The following LRP1B variants were observed in gnomAD, a reference collection of about 807,000 sequenced individuals.
LRP1B encodes the protein low-density lipoprotein receptor-related protein 1B.
LRP1B carries 217 observed loss-of-function variants against 556.6 expected under a neutral mutation model. The ratio of observed to expected loss-of-function variants is 0.39; its 90% CI spans 0.35 to 0.44. The LOEUF is 0.44. Ranked by LOEUF, LRP1B falls within the 20% of genes least tolerant of loss-of-function variation. The pLI is 1.00. For synonymous variants in LRP1B, 2,047 were observed against 1,865.8 expected (o/e 1.10, Z -2.50); for missense variants, 5,053 against 5,620.8 (o/e 0.90, Z 3.23).
chr2:140,922,925 C>G (rs765638858), intron 21 of LRP1B, 40 bp downstream of exon 21: 2 of 1,580,472 alleles, frequency 1.3e-6, no homozygotes, highest in Admixed American at 3.5e-5. Context: ...ACTCCACACT[C>G]AGGGAGACCC....
chr2:140,738,206 C>A (rs1280644994), intron 35 of LRP1B, among the ~76,000 whole-genome samples: 1 of 152,100 alleles, frequency 6.6e-6, no homozygotes, highest in Admixed American at 6.6e-5. Context: ...AAAGAGGTGT[C>A]ACCATACTTG....
chr2:142,121,870 G>A (rs1258082735), intron 1 of LRP1B, among the ~76,000 whole-genome samples: 3 of 147,304 alleles, frequency 2.0e-5, no homozygotes, highest in Non-Finnish European at 3.0e-5. Flanking sequence ...AACTATATGA[G>A]TTGCTTCAAG....
chr2:140,810,879 G>A (rs1200499204), intron 32 of LRP1B, among the ~76,000 whole-genome samples: 9 of 151,960 alleles, frequency 5.9e-5, no homozygotes, highest in Admixed American at 5.9e-4. Flanking sequence ...GGGATTACAG[G>A]CACCCGCTAC....
At chr2:141,293,472 T>C (rs767848781) in intron 3 of LRP1B, among the ~76,000 whole-genome samples, 2 of 152,158 alleles carry the variant, frequency 1.3e-5, no homozygotes, top group Non-Finnish European at 2.9e-5. Context: ...GAATCAGACA[T>C]CTTCCATAAA....
intron 2 of LRP1B, among the ~76,000 whole-genome samples, chr2:141,719,672 C>T (rs1381965187): frequency 6.6e-6 from 1 of 151,984 alleles, no homozygotes; most frequent in East Asian, 1.9e-4. Flanking sequence ...TACATATACC[C>T]CATGGAATAC....
intron 7 of LRP1B, among the ~76,000 whole-genome samples, chr2:141,066,277 G>A (rs1699479072): frequency 6.6e-6 from 1 of 151,922 alleles, no homozygotes; most frequent in Non-Finnish European, 1.5e-5. Flanking sequence ...ATGGGAAACT[G>A]TTTTTGTCTG....
intron 7 of LRP1B, among the ~76,000 whole-genome samples, chr2:141,151,501 C>T (rs1701924321): frequency 6.6e-6 from 1 of 152,126 alleles, no homozygotes; most frequent in East Asian, 1.9e-4. Flanking sequence ...ATATAGTAGT[C>T]TATTTAAATG....
At chr2:141,910,274 T>C (rs983656764) in intron 1 of LRP1B, among the ~76,000 whole-genome samples, 2 of 151,978 alleles carry the variant, frequency 1.3e-5, no homozygotes, top group African/African-American at 4.8e-5. Flanking sequence ...AGAAACTATG[T>C]ATTGGTGTAA....
intron 7 of LRP1B, among the ~76,000 whole-genome samples, chr2:141,096,621 G>GAGAGAGAGAGAGAGA (rs1558857992): frequency 1.5e-4 from 6 of 39,896 alleles, no homozygotes; most frequent in Admixed American, 3.5e-4. Context: ...ACAAAGACGG[G>GAGAGAGAGAGAGAGA]GAGAGGGGGA....
intron 1 of LRP1B, among the ~76,000 whole-genome samples, chr2:142,019,905 T>C (rs1053944122): frequency 2.0e-5 from 3 of 152,338 alleles, no homozygotes; most frequent in Non-Finnish European, 4.4e-5. Context: ...TGAGGTATTA[T>C]TTGACCACTG....
chr2:140,541,125 C>A, intron 44 of LRP1B, 27 bp from the exon 45 acceptor site: 1 of 1,568,384 alleles, frequency 6.4e-7, no homozygotes, highest in Non-Finnish European at 8.7e-7. Context: ...GTATTGGTAA[C>A]ATTTTATATC....
chr2:142,126,359 G>C (rs1707651687), intron 1 of LRP1B, among the ~76,000 whole-genome samples: 1 of 151,460 alleles, frequency 6.6e-6, no homozygotes. Flanking sequence ...TTTCAAGCCA[G>C]AGTGGTATTT....
Position 140,344,385 on chromosome 2 carries a change from A to G in LRP1B, c.11892+6412T>C, listed in dbSNP as rs569056480. Among the ~76,000 whole-genome samples the G allele has an allele frequency of 5.2e-3, 795 of 151,680 alleles. 10 individuals carry two copies. Among genetic ancestry groups the G allele is most frequent in the African/African-American group, 0.019 (771 of 41,302 alleles). ...TAGCCAACTCTTGGACATACCTTGA[A>G]GGTGTATTCAACAAGACTGCCTGAT... On this transcript the variant is annotated intron_variant, in intron 77 of 90. Coordinates refer to ENST00000389484, the MANE Select transcript of LRP1B (RefSeq NM_018557.3).
chr2:141,978,356 A>C (rs1701942727), intron 1 of LRP1B, among the ~76,000 whole-genome samples: 1 of 152,090 alleles, frequency 6.6e-6, no homozygotes, highest in Admixed American at 6.6e-5. Context: ...ATTTGCATTA[A>C]AACAGCATTT....
chr2:141,375,012 G>C (rs1227357430), intron 3 of LRP1B, among the ~76,000 whole-genome samples: 1 of 152,004 alleles, frequency 6.6e-6, no homozygotes, highest in Non-Finnish European at 1.5e-5. Context: ...CCTATTTTTT[G>C]ATATTGCTTT....
chr2:141,116,939 C>T (rs1450944088), intron 7 of LRP1B, among the ~76,000 whole-genome samples: 1 of 152,078 alleles, frequency 6.6e-6, no homozygotes, highest in African/African-American at 2.4e-5. Context: ...TTGCAACACC[C>T]TGACCACTTG....
At position 141,385,494 on chromosome 2, in the gene LRP1B, AT is replaced by A. The variant is rs1689798669; in HGVS notation, c.343+94901del. On this transcript the variant is annotated intron_variant, in intron 3 of 90. Coordinates refer to ENST00000389484, the MANE Select transcript of LRP1B (RefSeq NM_018557.3). Reference sequence around the variant, plus strand: ...TGCTTATACTGCAGAAAAAGTGCCTATAGACAACATGATGAAAATATGTAAT... The same window carrying A: ...TGCTTATACTGCAGAAAAAGTGCCTAAGACAACATGATGAAAATATGTAAT... 3.9e-5 allele frequency among the ~76,000 whole-genome samples: 6 copies of A among 152,184 alleles called. No homozygotes were observed. The South Asian group carries it at 1.2e-3, about 32-fold the overall frequency.
intron 2 of LRP1B, among the ~76,000 whole-genome samples, chr2:141,807,690 G>A (rs139400015): frequency 6.6e-6 from 1 of 152,158 alleles, no homozygotes; most frequent in Admixed American, 6.6e-5. Flanking sequence ...GCCTCCATCT[G>A]CTAAAAGCCC....
intron 6 of LRP1B, among the ~76,000 whole-genome samples, chr2:141,223,788 T>A (rs1188563549): frequency 6.6e-6 from 1 of 152,196 alleles, no homozygotes; most frequent in East Asian, 1.9e-4. Context: ...GGGGAAATGA[T>A]TCCCTATTTA....
Sources: gnomAD v4.1 joint callset for allele counts (sites outside exome capture counted in the v4.1 genomes callset) on GRCh38, gnomAD v4.1.1 for gene constraint, MANE v1.5 for transcripts, NCBI Gene and HGNC (gene_info 2026-07-23, HGNC 2026-07-21) for gene names.